SPOCK1: variants seen among roughly 807,000 people sequenced by gnomAD.
The protein encoded by SPOCK1 is testican-1.
A neutral mutation model predicts 55.3 loss-of-function variants in SPOCK1; 23 were observed. The observed-to-expected ratio is 0.42, with a 90% CI of 0.30 to 0.59. The LOEUF is 0.59. Ranked by LOEUF, SPOCK1 falls within the 20% of genes least tolerant of loss-of-function variation. The pLI, the probability that SPOCK1 is intolerant of heterozygous loss-of-function variation, is 0.22. For missense variants in SPOCK1, 499 were observed against 552.5 expected, an observed-to-expected ratio of 0.90 and a Z score of 0.97; for synonymous variants, 226 against 221.0, an observed-to-expected ratio of 1.02 and a Z score of -0.20.
chr5:137,082,771 C>A (rs1752896744), intron 5 of SPOCK1, among the ~76,000 whole-genome samples: 1 of 152,190 alleles, frequency 6.6e-6, no homozygotes, highest in Admixed American at 6.5e-5. Context: ...GCTTCAAAGA[C>A]CCAAGAGCTC....
intron 6 of SPOCK1, among the ~76,000 whole-genome samples, chr5:137,000,581 A>G (rs912581375): frequency 5.9e-5 from 9 of 152,196 alleles, no homozygotes; most frequent in Admixed American, 5.9e-4. Flanking sequence ...AATGTGTAGG[A>G]ACACCAAGGA....
chr5:137,276,901 C>T (rs1757078521), intron 2 of SPOCK1, among the ~76,000 whole-genome samples: 1 of 152,176 alleles, frequency 6.6e-6, no homozygotes, highest in Non-Finnish European at 1.5e-5. Context: ...TGATTTGGAA[C>T]ACCACAGCTG....
At chr5:137,004,173 T>G (rs1318974330) in intron 6 of SPOCK1, among the ~76,000 whole-genome samples, 1 of 152,040 alleles carries the variant, frequency 6.6e-6, no homozygotes, top group African/African-American at 2.4e-5. Flanking sequence ...AGTTGAAAAT[T>G]CCCACTTGGA....
intron 2 of SPOCK1, among the ~76,000 whole-genome samples, chr5:137,490,924 A>G (rs1186992974): frequency 3.9e-5 from 6 of 152,222 alleles, no homozygotes; most frequent in Non-Finnish European, 1.5e-5. Flanking sequence ...GACTCCCCCA[A>G]CATGTTTCTA....
At chr5:137,166,911 T>C (rs1202254671) in intron 3 of SPOCK1, among the ~76,000 whole-genome samples, 1 of 151,974 alleles carries the variant, frequency 6.6e-6, no homozygotes, top group Non-Finnish European at 1.5e-5. Flanking sequence ...GAAAGAAGGC[T>C]GGCCACAAAA....
At chr5:137,435,614 A>C (rs928267844) in intron 2 of SPOCK1, among the ~76,000 whole-genome samples, 1 of 152,192 alleles carries the variant, frequency 6.6e-6, no homozygotes, top group South Asian at 2.1e-4. Flanking sequence ...ATCCTATAAA[A>C]TGTATTTCTT....
chr5:136,988,854 T>C, intron 7 of SPOCK1: 1 of 470,322 alleles, frequency 2.1e-6, no homozygotes, highest in Non-Finnish European at 3.8e-6. Flanking sequence ...AAGTCATCAT[T>C]TGAGGAAAAT....
intron 4 of SPOCK1, among the ~76,000 whole-genome samples, chr5:137,117,974 T>G (rs961096515): frequency 5.3e-5 from 8 of 152,234 alleles, no homozygotes; most frequent in Non-Finnish European, 1.2e-4. Flanking sequence ...TTTATGTGTT[T>G]TTTTAAATAA....
At chr5:137,325,442 T>C (rs1758057871) in intron 2 of SPOCK1, among the ~76,000 whole-genome samples, 1 of 152,216 alleles carries the variant, frequency 6.6e-6, no homozygotes, top group African/African-American at 2.4e-5. Flanking sequence ...AGATCTTGTA[T>C]ACAAACACTT....
chr5:137,498,277 C>T, intron 2 of SPOCK1, 96 bp downstream of exon 2: 2 of 1,184,864 alleles, frequency 1.7e-6, no homozygotes, highest in Non-Finnish European at 2.2e-6. Flanking sequence ...CACACACACA[C>T]ACACACACAC....
intron 2 of SPOCK1, among the ~76,000 whole-genome samples, chr5:137,406,861 C>A (rs1216654346): frequency 6.6e-6 from 1 of 152,180 alleles, no homozygotes; most frequent in Non-Finnish European, 1.5e-5. Context: ...TAAGAGGACT[C>A]AATGAATTAT....
intron 5 of SPOCK1, among the ~76,000 whole-genome samples, chr5:137,111,059 G>A (rs771405616): frequency 5.3e-5 from 8 of 152,068 alleles, no homozygotes; most frequent in South Asian, 4.2e-4. Context: ...TATATGACCC[G>A]TGCATCACAA....
chr5:137,317,208 C>T (rs1282340651), intron 2 of SPOCK1, among the ~76,000 whole-genome samples: 1 of 152,192 alleles, frequency 6.6e-6, no homozygotes, highest in African/African-American at 2.4e-5. Flanking sequence ...CCAGTTTTCA[C>T]TACAGCTAGA....
At position 137,476,126 on chromosome 5, in the gene SPOCK1, T is replaced by C. The variant is rs558842863; in HGVS notation, c.186+22247A>G. Reference sequence around the variant, plus strand: ...TCATGGGGGTTTTTTGTACACATTATTTCATCATCCAGGTATTAAGCCTAG... The same window carrying C: ...TCATGGGGGTTTTTTGTACACATTACTTCATCATCCAGGTATTAAGCCTAG... On this transcript the variant is annotated intron_variant, in intron 2 of 10. Transcript: ENST00000394945. Among the ~76,000 whole-genome samples, 8 of 152,196 alleles carry C rather than the reference T, an allele frequency of 5.3e-5. No individual in the cohort carries two copies. In the South Asian group the frequency reaches 1.7e-3, roughly 32 times the overall value.
chr5:137,139,014 C>T (rs1260497755), intron 4 of SPOCK1, among the ~76,000 whole-genome samples: 1 of 152,098 alleles, frequency 6.6e-6, no homozygotes. Flanking sequence ...AAAGCAGAGA[C>T]AAAATAAATA....
intron 2 of SPOCK1, among the ~76,000 whole-genome samples, chr5:137,416,231 A>G (rs1000731638): frequency 1.3e-5 from 2 of 152,098 alleles, no homozygotes; most frequent in Non-Finnish European, 2.9e-5. Flanking sequence ...CAAAAGTTGC[A>G]ATAAAGACTT....
intron 2 of SPOCK1, among the ~76,000 whole-genome samples, chr5:137,449,950 TA>T (rs1046455289): frequency 1.1e-4 from 8 of 69,570 alleles, no homozygotes; most frequent in African/African-American, 3.9e-4. Flanking sequence ...GGAAACAAAA[TA>T]AAAGGTAAAT....
chr5:137,278,074 T>A (rs1371883602), intron 2 of SPOCK1, among the ~76,000 whole-genome samples: 1 of 152,216 alleles, frequency 6.6e-6, no homozygotes, highest in Admixed American at 6.5e-5. Flanking sequence ...CATGAAGTTT[T>A]CTTTAGCTGC....
intron 2 of SPOCK1, among the ~76,000 whole-genome samples, chr5:137,418,957 C>A (rs150438820): frequency 6.6e-6 from 1 of 151,964 alleles, no homozygotes; most frequent in African/African-American, 2.4e-5. Context: ...GTCTTTAATC[C>A]ATCTTGAATT....
Sources: gnomAD v4.1 joint callset for allele counts (sites outside exome capture counted in the v4.1 genomes callset) on GRCh38, gnomAD v4.1.1 for gene constraint, MANE v1.5 for transcripts, NCBI Gene and HGNC (gene_info 2026-07-23, HGNC 2026-07-21) for gene names.